The following CSRP3 variants were observed in gnomAD, a reference collection of about 807,000 sequenced individuals.
The protein encoded by CSRP3 is cysteine and glycine-rich protein 3.
In CSRP3, 24 loss-of-function variants were observed where a neutral mutation model predicts 24.3. That is an observed-to-expected ratio of 0.99 (90% confidence interval 0.71 to 1.39). The LOEUF is 1.39. CSRP3 is among the 40% of genes most tolerant of loss of function. The pLI, the probability that CSRP3 is intolerant of heterozygous loss-of-function variation, is 0.00. For synonymous variants in CSRP3, 105 were observed against 94.0 expected (o/e 1.12, Z -0.68); for missense variants, 240 against 249.0 (o/e 0.96, Z 0.24).
At chr11:19,196,798 A>G (rs1850719598) in intron 1 of CSRP3, 1 of 152,220 alleles carries the variant, frequency 6.6e-6, no homozygotes, top group Admixed American at 6.5e-5. Context: ...TGTCAAAGAC[A>G]AATCGTGGGT....
chr11:19,193,244 T>C (rs191547075), intron 1 of CSRP3, among the ~76,000 whole-genome samples: 5 of 152,332 alleles, frequency 3.3e-5, no homozygotes, highest in African/African-American at 4.8e-5. Flanking sequence ...ACTACATAGC[T>C]TAACTTTATA....
chr11:19,182,615 G>T lies in CSRP3; in HGVS notation c.*55C>A. The stretch of plus-strand genomic sequence containing the variant: ...TGGGGAAAGGTATCGATCTGTGCAG[G>T]ATTACTTGGCAAGTGTTTTAGGCTC... On this transcript the variant is annotated 3_prime_UTR_variant, in exon 6 of 6. Transcript: ENST00000265968. 2 of 1,372,842 alleles carry T rather than the reference G, an allele frequency of 1.5e-6. No individual in the cohort carries two copies. Among genetic ancestry groups the T allele is most frequent in the Non-Finnish European group, 2.1e-6 (2 of 959,568 alleles). The allele number at this position is 1,372,842 out of a possible 1,614,324, so 85.0% of individuals were successfully genotyped here. A position where few individuals can be genotyped will look rare whatever the true frequency, so the allele number is the denominator to read the frequency against.
At chr11:19,188,370 A>G (rs1274449047) in intron 2 of CSRP3, 66 bp from the exon 3 acceptor site, 4 of 1,567,834 alleles carry the variant, frequency 2.6e-6, no homozygotes, top group Non-Finnish European at 3.5e-6. Context: ...TGCACTCCCA[A>G]TGCCATGCTC....
chr11:19,198,432 T>C (rs1213436059), intron 1 of CSRP3, among the ~76,000 whole-genome samples: 2 of 152,272 alleles, frequency 1.3e-5, no homozygotes, highest in Non-Finnish European at 2.9e-5. Context: ...ATTCATTCAC[T>C]GAAATCAATG....
At chr11:19,198,980 C>T (rs1850789773) in intron 1 of CSRP3, among the ~76,000 whole-genome samples, 2 of 152,206 alleles carry the variant, frequency 1.3e-5, no homozygotes, top group African/African-American at 4.8e-5. Flanking sequence ...GTTGTTATTA[C>T]ATTATCTCCA....
intron 4 of CSRP3, among the ~76,000 whole-genome samples, chr11:19,185,283 A>G (rs897286925): frequency 3.3e-5 from 5 of 152,256 alleles, no homozygotes; most frequent in Admixed American, 1.3e-4. Flanking sequence ...TTCCTTCAGA[A>G]TAGACTAAAC....
At chr11:19,198,307 G>A (rs974923730) in intron 1 of CSRP3, among the ~76,000 whole-genome samples, 2 of 152,204 alleles carry the variant, frequency 1.3e-5, no homozygotes, top group African/African-American at 4.8e-5. Flanking sequence ...GAGGACAAGG[G>A]TCAGCACCTC....
In CSRP3 at chr11:19,182,382, T is replaced by C. The variant is rs1007823275; in HGVS notation, c.*288A>G. On this transcript the variant is annotated 3_prime_UTR_variant, in exon 6 of 6. Transcript: ENST00000265968. Reference sequence around the variant, plus strand: ...AGCTTTATGTTTTTGAAAATTTCTATCTCAAAGAAAAGATCTAGAGCCATA... The same window carrying C: ...AGCTTTATGTTTTTGAAAATTTCTACCTCAAAGAAAAGATCTAGAGCCATA... 2.5e-6 allele frequency: 1 copy of C among 396,838 alleles called. No individual in the cohort carries two copies. Among genetic ancestry groups the C allele is most frequent in the Admixed American group, 3.8e-5 (1 of 26,424 alleles). The allele number at this position is 396,838 out of a possible 1,614,324, so 24.6% of individuals were successfully genotyped here.
intron 1 of CSRP3, among the ~76,000 whole-genome samples, chr11:19,200,419 G>C (rs529104527): frequency 9.2e-5 from 14 of 152,258 alleles, no homozygotes; most frequent in African/African-American, 2.9e-4. Flanking sequence ...TTGGCTATTT[G>C]CTGGCTGAAT....
chr11:19,188,737 C>T (rs1020796675), intron 2 of CSRP3, among the ~76,000 whole-genome samples: 11 of 151,844 alleles, frequency 7.2e-5, no homozygotes, highest in African/African-American at 2.7e-4. Flanking sequence ...CAGGATTGAG[C>T]ACTTTCTGTA....
intron 1 of CSRP3, among the ~76,000 whole-genome samples, chr11:19,200,156 C>T (rs542396330): frequency 1.3e-5 from 2 of 152,284 alleles, no homozygotes; most frequent in South Asian, 4.1e-4. Context: ...CATATTTGTA[C>T]GGTTATATTA....
intron 2 of CSRP3, among the ~76,000 whole-genome samples, chr11:19,191,018 C>T (rs1319034275): frequency 6.6e-6 from 1 of 152,192 alleles, no homozygotes; most frequent in Non-Finnish European, 1.5e-5. Flanking sequence ...CACGCAGTTA[C>T]CAAAGTTGAT....
Position 19,192,474 on chromosome 11 carries a change from A to G in CSRP3, c.-26T>C. The G allele has an allele frequency of 1.3e-6, 2 of 1,579,006 alleles. No homozygotes were observed. The highest frequency in any genetic ancestry group is 1.7e-6 in the Non-Finnish European group (2 of 1,148,012). ...CTTGAAGACTATCTGGTCAAGGTCA[A>G]GTCTAAGGGGACATAAAGCAAATAC... On this transcript the variant is annotated splice_region_variant and 5_prime_UTR_variant, in exon 2 of 6. Coordinates refer to ENST00000265968, the MANE Select transcript of CSRP3 (RefSeq NM_003476.5).
At chr11:19,186,380 G>A in intron 3 of CSRP3, 32 bp from the exon 4 acceptor site, 1 of 1,614,104 alleles carries the variant, frequency 6.2e-7, no homozygotes, top group South Asian at 1.1e-5. Flanking sequence ...ATGAAACGTA[G>A]ATTTCCCTTG....
Position 19,191,698 on chromosome 11 carries a change from C to T in CSRP3, c.112+639G>A, listed in dbSNP as rs536736973. On this transcript the variant is annotated intron_variant, in intron 2 of 5. Transcript: ENST00000265968. The stretch of plus-strand genomic sequence containing the variant: ...AGGCAGGACCAGACTCACAAGGTCT[C>T]AAGGTTCTCAAGGTTCTCAAGGTTC... Among the ~76,000 whole-genome samples, 5 of 152,242 alleles carry T rather than the reference C, an allele frequency of 3.3e-5. No homozygotes were observed. In the East Asian group the frequency reaches 9.7e-4, roughly 29 times the overall value.
At chr11:19,190,008 G>C (rs1850589795) in intron 2 of CSRP3, among the ~76,000 whole-genome samples, 1 of 152,206 alleles carries the variant, frequency 6.6e-6, no homozygotes, top group Non-Finnish European at 1.5e-5. Context: ...TTCCTTGAGG[G>C]CAAGCCTGTT....
intron 1 of CSRP3, among the ~76,000 whole-genome samples, chr11:19,192,881 C>G (rs139735224): frequency 6.6e-6 from 1 of 152,026 alleles, no homozygotes; most frequent in South Asian, 2.1e-4. Flanking sequence ...TTCTTCTTGT[C>G]TAGCTAAGAG....
intron 3 of CSRP3, among the ~76,000 whole-genome samples, chr11:19,187,837 A>G (rs1313944933): frequency 2.0e-5 from 3 of 152,236 alleles, no homozygotes; most frequent in Admixed American, 2.0e-4. Flanking sequence ...AGGAGACTCC[A>G]TGCAGTTTTG....
At chr11:19,193,005 A>C (rs1445518551) in intron 1 of CSRP3, among the ~76,000 whole-genome samples, 1 of 152,202 alleles carries the variant, frequency 6.6e-6, no homozygotes, top group Non-Finnish European at 1.5e-5. Context: ...TGCTGCTGGC[A>C]GTGGACTACA....
Sources: allele counts gnomAD v4.1 joint callset (sites outside exome capture counted in the v4.1 genomes callset), GRCh38; gene constraint gnomAD v4.1.1; transcripts MANE v1.5; gene names NCBI Gene and HGNC (gene_info 2026-07-23, HGNC 2026-07-21).